Variants in COL9A3 observed in about 807,000 individuals in gnomAD.
COL9A3 encodes the protein collagen alpha-3(IX) chain.
In COL9A3, 82 loss-of-function variants were observed where a neutral mutation model predicts 110.2. The observed-to-expected ratio is 0.74, with a 90% CI of 0.62 to 0.89. The LOEUF (loss-of-function observed/expected upper bound fraction) is 0.89. Among genes scored for constraint, COL9A3 ranks in the 40% least tolerant of loss-of-function variants. The probability of loss-of-function intolerance (pLI) is 0.00; values close to 1 mark genes in which losing one functional copy is unlikely to be tolerated. For synonymous variants in COL9A3, 494 were observed against 403.8 expected, an observed-to-expected ratio of 1.22 and a Z score of -2.68; for missense variants, 1,066 against 981.3, an observed-to-expected ratio of 1.09 and a Z score of -1.15.
intron 17 of COL9A3, 29 bp downstream of exon 17, chr20:62,828,005 C>T (rs1408292776): frequency 1.2e-6 from 2 of 1,611,912 alleles, no homozygotes; most frequent in African/African-American, 1.3e-5. Flanking sequence ...TCATGGAATG[C>T]TCCTCCCCCG....
intron 19 of COL9A3, among the ~76,000 whole-genome samples, 180 bp downstream of exon 19, chr20:62,829,156 C>T (rs1056636013): frequency 7.2e-5 from 11 of 152,190 alleles, no homozygotes; most frequent in Non-Finnish European, 1.6e-4. Context: ...GGACGGTTGC[C>T]TGTATGTTTG....
intron 25 of COL9A3, chr20:62,832,794 CATT>C: frequency 3.7e-6 from 2 of 540,078 alleles, no homozygotes; most frequent in South Asian, 2.0e-5. Flanking sequence ...AGAAAAGCCT[CATT>C]ATGCAAACAA....
intron 10 of COL9A3, 22 bp downstream of exon 10, chr20:62,822,654 T>G: frequency 6.2e-7 from 1 of 1,610,168 alleles, no homozygotes; most frequent in Non-Finnish European, 8.5e-7. Context: ...AAGCCATTTG[T>G]TAAGGGTGCT....
rs1327556183 is a variant in COL9A3, at chr20:62,829,352, C to T, written c.1009-103C>T. 1.2e-5 allele frequency: 18 copies of T among 1,474,786 alleles called. No homozygotes were observed. In the African/African-American group the frequency reaches 2.5e-4, roughly 20 times the overall value. The allele number at this position is 1,474,786 out of a possible 1,614,324, so 91.4% of individuals were successfully genotyped here. ...GAGAAGTTGGCCCTGCCTTTGGGTGCACTCACTCTGGCCCCTGCACCCTGC... is the reference window on the plus strand; with the variant it reads ...GAGAAGTTGGCCCTGCCTTTGGGTGTACTCACTCTGGCCCCTGCACCCTGC... On this transcript the variant is annotated intron_variant, in intron 19 of 31. Transcript: ENST00000649368.
chr20:62,826,546 C>A (rs2063554647), intron 14 of COL9A3, among the ~76,000 whole-genome samples: 1 of 152,024 alleles, frequency 6.6e-6, no homozygotes. Context: ...TCGCTGACAC[C>A]CACACACACG....
At chr20:62,821,080 T>C (rs2063508683) in intron 5 of COL9A3, 101 bp from the exon 6 acceptor site, 6 of 1,239,928 alleles carry the variant, frequency 4.8e-6, no homozygotes, top group African/African-American at 1.5e-5. Context: ...TGGACCCTGT[T>C]GTCCTGGGAG....
intron 8 of COL9A3, 76 bp from the exon 9 acceptor site, chr20:62,822,035 C>T: frequency 1.1e-6 from 1 of 942,810 alleles, no homozygotes; most frequent in Non-Finnish European, 1.8e-6. Flanking sequence ...GGCGTGTCCA[C>T]CTCCCTGGGA....
intron 18 of COL9A3, 46 bp from the exon 19 acceptor site, chr20:62,828,877 C>G: frequency 1.2e-6 from 2 of 1,612,312 alleles, no homozygotes; most frequent in Non-Finnish European, 1.7e-6. Flanking sequence ...TTCGGCCTCC[C>G]GAGGCCTCAG....
chr20:62,836,303 T>C lies in COL9A3; in HGVS notation c.1518T>C (p.Val506=). ...TGGGCCTGCAGGGCGTCCCGGGTGT[T>C]CCTGGCATCACGGGGAAGCCGGGAG... ...GPLGLQGVPG[V]PGITGKPGVP... Residue 506 remains valine (V), a synonymous_variant, in exon 28 of 32, where the codon GTT becomes GTC. Transcript: ENST00000649368. 4 of 1,613,910 alleles carry C rather than the reference T, an allele frequency of 2.5e-6. No homozygotes were observed. Among genetic ancestry groups the C allele is most frequent in the Non-Finnish European group, 3.4e-6 (4 of 1,180,026 alleles).
Position 62,824,369 on chromosome 20 carries a change from C to T in COL9A3, c.520-76C>T, listed in dbSNP as rs45492192. ...CGTGCAGAGTGGCCTCCTGGGGTCC[C>T]GCGGGCGCTGACCCCTGCGTCGGAC... On this transcript the variant is annotated intron_variant, in intron 10 of 31. Coordinates refer to ENST00000649368, the MANE Select transcript of COL9A3 (RefSeq NM_001853.4). 9.9e-3 allele frequency: 14,631 copies of T among 1,475,440 alleles called. 74 individuals are homozygous for T. Among genetic ancestry groups the T allele is most frequent in the Non-Finnish European group, 0.012 (13,237 of 1,079,424 alleles). 91.4% of individuals were successfully genotyped at this position (1,475,440 alleles called of 1,614,324 possible).
At chr20:62,821,340 C>T (rs958186902) in intron 6 of COL9A3, 124 bp downstream of exon 6, 40 of 1,316,992 alleles carry the variant, frequency 3.0e-5, no homozygotes, top group South Asian at 2.4e-4. Context: ...GCAGCCTCTC[C>T]GGAGGCTGGT....
At chr20:62,817,693 C>A in intron 2 of COL9A3, 58 bp downstream of exon 2, 1 of 1,159,578 alleles carries the variant, frequency 8.6e-7, no homozygotes, top group Non-Finnish European at 1.2e-6. Flanking sequence ...CTGGCCCCCA[C>A]CTCCCTGAGC....
chr20:62,830,656 C>CCCACCGTGCT, intron 24 of COL9A3, 68 bp downstream of exon 24: 1 of 974,584 alleles, frequency 1.0e-6, no homozygotes, highest in Non-Finnish European at 1.5e-6. Flanking sequence ...TCCCCCACCC[C>CCCACCGTGCT]CATGACAGTC....
chr20:62,820,489 G>T (rs905064842), intron 5 of COL9A3, among the ~76,000 whole-genome samples: 1 of 152,212 alleles, frequency 6.6e-6, no homozygotes, highest in East Asian at 1.9e-4. Flanking sequence ...CAGCCAACCG[G>T]GTGCCACTGG....
At chr20:62,832,315 GC>G in intron 25 of COL9A3, 126 bp downstream of exon 25, 1 of 951,078 alleles carries the variant, frequency 1.1e-6, no homozygotes, top group Non-Finnish European at 1.6e-6. Context: ...TTCTCCTCTT[GC>G]CGTGTCTGTC....
chr20:62,822,147 G>C lies in COL9A3; in HGVS notation c.460G>C (p.Gly154Arg). ...SGLPGLPGPP[G>R]PPGPPGHPGV... ...ACTCCCCGGCCTCCCTGGTCCCCCA[G>C]GACCTCCCGGACCCCCTGTAAGTAC... is the stretch of plus-strand genomic sequence containing the variant. The change falls in exon 9 of 32, where the codon GGA (glycine) becomes CGA (arginine). Residue 154 changes from glycine to arginine, a missense_variant. By Grantham distance (125) the Gly-to-Arg change is moderately radical. Transcript: ENST00000649368. 6.3e-7 allele frequency: 1 copy of C among 1,578,992 alleles called. No homozygotes were observed. Among genetic ancestry groups the C allele is most frequent in the East Asian group, 2.2e-5 (1 of 44,742 alleles).
chr20:62,826,152 C>A, intron 13 of COL9A3, 52 bp from the exon 14 acceptor site: 1 of 1,538,102 alleles, frequency 6.5e-7, no homozygotes, highest in South Asian at 1.2e-5. Flanking sequence ...CTGGGTGCTC[C>A]CCGGGGTGGA....
At chr20:62,836,729 G>T in intron 29 of COL9A3, 197 bp downstream of exon 29, 1 of 651,444 alleles carries the variant, frequency 1.5e-6, no homozygotes, top group Non-Finnish European at 2.6e-6. Flanking sequence ...GATGGCCCAC[G>T]CTCCCGCCCC....
chr20:62,837,464 G>A (rs2063645816), intron 30 of COL9A3, among the ~76,000 whole-genome samples, 199 bp downstream of exon 30: 1 of 152,260 alleles, frequency 6.6e-6, no homozygotes, highest in African/African-American at 2.4e-5. Context: ...AACATGTGAT[G>A]TTTTTCTCAA....
Sources: allele counts gnomAD v4.1 joint callset (sites outside exome capture counted in the v4.1 genomes callset), GRCh38; gene constraint gnomAD v4.1.1; transcripts MANE v1.5; gene names NCBI Gene and HGNC (gene_info 2026-07-23, HGNC 2026-07-21).